Variants in SGF29 observed in about 807,000 individuals in gnomAD.
SGF29 encodes the protein SAGA complex associated factor 29.
SGF29 carries 15 observed loss-of-function variants against 38.1 expected under a neutral mutation model. The observed-to-expected ratio is 0.39, with a 90% confidence interval of 0.26 to 0.61. SGF29 has a LOEUF of 0.61. SGF29 is among the 20% of genes least tolerant of loss of function. The pLI is 0.49. For synonymous variants in SGF29, 151 were observed against 160.8 expected (o/e 0.94, Z 0.46); for missense variants, 184 against 394.6 (o/e 0.47, Z 4.52).
chr16:28,559,642 C>T (rs1217398011), intron 1 of SGF29, among the ~76,000 whole-genome samples: 1 of 152,102 alleles, frequency 6.6e-6, no homozygotes, highest in African/African-American at 2.4e-5. Context: ...TCCAAAAGTG[C>T]TGGGATTACA....
intron 1 of SGF29, among the ~76,000 whole-genome samples, chr16:28,578,155 A>G (rs2151649369): frequency 6.6e-6 from 1 of 151,388 alleles, no homozygotes; most frequent in East Asian, 1.9e-4. Flanking sequence ...GGGCCTGGCC[A>G]CAATTGAGTT....
intron 1 of SGF29, among the ~76,000 whole-genome samples, chr16:28,563,841 CTCCTGAGTAGCTGGGACTGCAGGTGT>C (rs1222761632): frequency 1.3e-5 from 2 of 151,792 alleles, no homozygotes. Flanking sequence ...CTGCCTCAGC[CTCCTGAGTAGCTGGGACTGCAGGTGT>C]TCCTGAGTAG....
intron 1 of SGF29, among the ~76,000 whole-genome samples, chr16:28,555,941 C>T (rs2046748213): frequency 6.6e-6 from 1 of 152,178 alleles, no homozygotes; most frequent in African/African-American, 2.4e-5. Context: ...GGTTTTAGAA[C>T]TTGCAGCCTT....
chr16:28,573,793 T>A (rs989099369), intron 1 of SGF29, among the ~76,000 whole-genome samples: 1 of 151,912 alleles, frequency 6.6e-6, no homozygotes, highest in African/African-American at 2.4e-5. Flanking sequence ...ACCTCAGATA[T>A]CAGCTAATAG....
intron 4 of SGF29, 118 bp from the exon 5 acceptor site, chr16:28,588,975 TGAGAACC>T: frequency 1.0e-6 from 1 of 961,782 alleles, no homozygotes; most frequent in Non-Finnish European, 1.6e-6. Context: ...GAGGCTACTG[TGAGAACC>T]TCTGGAGTCC....
intron 2 of SGF29, 24 bp from the exon 3 acceptor site, chr16:28,584,880 CACCGTCATG>C (rs1202111281): frequency 7.0e-6 from 11 of 1,565,870 alleles, no homozygotes; most frequent in Admixed American, 1.7e-5. Context: ...CACAAAGGGC[CACCGTCATG>C]TCCTGCTGCT....
At position 28,590,413 on chromosome 16, in the gene SGF29, G is replaced by A. The variant is rs1266472922; in HGVS notation, c.537G>A (p.Glu179=). Residue 179 remains glutamate (E), a synonymous_variant, in exon 7 of 10, where the codon GAG becomes GAA. Transcript: ENST00000317058. This position sits in a 1 kb window ranked among gnomAD's most constrained non-coding sequence, Gnocchi z 8.2. ...VDGDEQWILA[E]VVSYSHATNK... is the part of the protein sequence containing the mutation. Reference sequence around the variant, plus strand: ...GGGACGAGCAGTGGATCCTGGCCGAGGTGGTCAGTTACAGCCATGCCACCA... The same window carrying A: ...GGGACGAGCAGTGGATCCTGGCCGAAGTGGTCAGTTACAGCCATGCCACCA... The A allele has an allele frequency of 1.2e-5, 19 of 1,613,828 alleles. No homozygotes were observed. Among genetic ancestry groups the A allele is most frequent in the Non-Finnish European group, 1.5e-5 (18 of 1,179,860 alleles).
intron 4 of SGF29, among the ~76,000 whole-genome samples, chr16:28,588,267 G>A (rs922553556): frequency 2.0e-5 from 3 of 152,260 alleles, no homozygotes; most frequent in East Asian, 3.9e-4. Flanking sequence ...GGCCATGCAG[G>A]GGTCTGTCTT....
chr16:28,567,628 G>A (rs2046842550), intron 1 of SGF29, among the ~76,000 whole-genome samples: 1 of 152,188 alleles, frequency 6.6e-6, no homozygotes, highest in Non-Finnish European at 1.5e-5. Context: ...ATTAAGCACA[G>A]GTGTGGTAAG....
Position 28,590,490 on chromosome 16 carries a change from T to C in SGF29, c.566+48T>C. 1.2e-6 allele frequency: 2 copies of C among 1,613,764 alleles called. No individual in the cohort carries two copies. Among genetic ancestry groups the C allele is most frequent in the Non-Finnish European group, 1.7e-6 (2 of 1,179,824 alleles). ...CTGCTCTCTGGTCACCGAACTTGCC[T>C]GGGCTACGGGAGAAAAGCTCTGCAG... On this transcript the variant is annotated intron_variant, in intron 7 of 9. Transcript: ENST00000317058. The surrounding 1 kb of genome is among the most constrained non-coding windows in gnomAD (Gnocchi z 8.2).
In SGF29 at chr16:28,585,598, T is replaced by C. The variant is rs760659951; in HGVS notation, c.152-50T>C. On this transcript the variant is annotated intron_variant, in intron 3 of 9. Coordinates refer to ENST00000317058, the MANE Select transcript of SGF29 (RefSeq NM_138414.3). ...CCGGTGCATGGAAGCAGTGCCATGC[T>C]ACTGTGCCTGCCCTGGCCCTGCCTC... 64 of 1,473,808 alleles carry C rather than the reference T, an allele frequency of 4.3e-5. No homozygotes were observed. In the Admixed American group the frequency reaches 1.0e-3, roughly 24 times the overall value. 91.3% of individuals were successfully genotyped at this position (1,473,808 alleles called of 1,614,324 possible).
intron 4 of SGF29, 74 bp downstream of exon 4, chr16:28,585,794 A>G: frequency 7.2e-7 from 1 of 1,391,664 alleles, no homozygotes; most frequent in Non-Finnish European, 1.0e-6. Flanking sequence ...ATTTGGACCA[A>G]GTCCCCAGCC....
intron 1 of SGF29, among the ~76,000 whole-genome samples, chr16:28,577,471 C>A (rs2046901022): frequency 6.6e-6 from 1 of 152,166 alleles, no homozygotes; most frequent in Non-Finnish European, 1.5e-5. Flanking sequence ...AATGGAAACA[C>A]AATTATGTGG....
chr16:28,589,997 G>T, intron 5 of SGF29, 99 bp from the exon 6 acceptor site: 1 of 1,471,438 alleles, frequency 6.8e-7, no homozygotes, highest in Non-Finnish European at 9.0e-7. Flanking sequence ...TCGGGAACTG[G>T]GGGCTCCCAG....
At chr16:28,567,772 G>A (rs556952419) in intron 1 of SGF29, among the ~76,000 whole-genome samples, 1 of 152,294 alleles carries the variant, frequency 6.6e-6, no homozygotes, top group Admixed American at 6.5e-5. Flanking sequence ...TGAGGAACAT[G>A]TTAGTGGAAA....
intron 1 of SGF29, among the ~76,000 whole-genome samples, chr16:28,556,388 C>G (rs2046751446): frequency 6.6e-6 from 1 of 152,090 alleles, no homozygotes; most frequent in Non-Finnish European, 1.5e-5. Context: ...CTCTTTGTTG[C>G]CCAGGCTGGA....
chr16:28,573,610 G>A (rs1489302331), intron 1 of SGF29, among the ~76,000 whole-genome samples: 2 of 152,212 alleles, frequency 1.3e-5, no homozygotes, highest in African/African-American at 4.8e-5. Flanking sequence ...TTGTTCACTG[G>A]TAGAGGAGAA....
At chr16:28,564,665 G>A (rs28641134) in intron 1 of SGF29, among the ~76,000 whole-genome samples, 1,996 of 68,334 alleles carry the variant, frequency 0.029, 127 homozygotes, top group Non-Finnish European at 0.046. Context: ...GTATATATAT[G>A]CATATATATG....
At chr16:28,591,539 G>A (rs1183930662) in intron 9 of SGF29, 51 bp from the exon 10 acceptor site, 3 of 1,335,116 alleles carry the variant, frequency 2.2e-6, no homozygotes, top group Non-Finnish European at 2.2e-6. Flanking sequence ...GGGGGTGCCT[G>A]TCCTGGCCTG....
Sources: gnomAD v4.1 joint callset for allele counts (sites outside exome capture counted in the v4.1 genomes callset) on GRCh38, gnomAD v4.1.1 for gene constraint, Gnocchi (gnomAD v3.1) non-coding constraint, MANE v1.5 for transcripts, NCBI Gene and HGNC (gene_info 2026-07-23, HGNC 2026-07-21) for gene names.